The following TNRC6A variants were observed in gnomAD, a reference collection of about 807,000 sequenced individuals.
TNRC6A encodes trinucleotide repeat containing adaptor 6A.
Under a neutral mutation model 221.2 loss-of-function variants are expected in TNRC6A, and 44 were observed. The ratio of observed to expected loss-of-function variants is 0.20; its 90% CI spans 0.16 to 0.26. The LOEUF is 0.26. TNRC6A is among the 10% of genes least tolerant of loss of function. The probability of loss-of-function intolerance (pLI) is 1.00; values close to 1 mark genes in which losing one functional copy is unlikely to be tolerated. For missense variants in TNRC6A, 2,199 were observed against 2,404.4 expected (o/e 0.91, Z 1.79); for synonymous variants, 847 against 838.5 (o/e 1.01, Z -0.18).
chr16:24,770,286 C>T (rs562727781), intron 4 of TNRC6A, among the ~76,000 whole-genome samples: 1 of 152,230 alleles, frequency 6.6e-6, no homozygotes, highest in South Asian at 2.1e-4. Flanking sequence ...AGAGAGGGGC[C>T]ATGCCAAGGA....
chr16:24,822,947 A>G lies in TNRC6A; in HGVS notation c.5447A>G (p.His1816Arg), dbSNP rs1361138847. ...ATCACATTCCACCTGAACCTCCCTCACGGAAATGCTCTGGTCCGCTACAGT... is the reference window on the plus strand; with the variant it reads ...ATCACATTCCACCTGAACCTCCCTCGCGGAAATGCTCTGGTCCGCTACAGT... Reference protein sequence around the residue: ...PLITFHLNLPHGNALVRYSSK... With the variant: ...PLITFHLNLPRGNALVRYSSK... Residue 1816 changes from histidine to arginine, a missense_variant, in exon 24 of 25, where the codon CAC becomes CGC. Physicochemically the swap from His to Arg is conservative, Grantham distance 29. Around this residue, in one of 8 missense-constraint regions of TNRC6A, gnomAD observed 27 missense variants for 66.0 expected, o/e 0.41. Coordinates refer to ENST00000395799, the MANE Select transcript of TNRC6A (RefSeq NM_014494.4). 4 of 1,614,198 alleles carry G rather than the reference A, an allele frequency of 2.5e-6. No individual in the cohort carries two copies. The highest frequency in any genetic ancestry group is 1.3e-5 in the African/African-American group (1 of 75,026).
chr16:24,742,145 A>G (rs199549775), intron 2 of TNRC6A, among the ~76,000 whole-genome samples: 2 of 152,340 alleles, frequency 1.3e-5, no homozygotes, highest in East Asian at 3.9e-4. Context: ...CCCACTGTAC[A>G]CTTTTTACAT....
chr16:24,783,488 C>G (rs1345765697), intron 5 of TNRC6A, among the ~76,000 whole-genome samples: 1 of 151,754 alleles, frequency 6.6e-6, no homozygotes, highest in African/African-American at 2.4e-5. Context: ...CCCACATAAC[C>G]TCTTTGATCT....
At chr16:24,638,710 C>CA (rs58588503) in intron 1 of TNRC6A, among the ~76,000 whole-genome samples, 104 of 146,026 alleles carry the variant, frequency 7.1e-4, no homozygotes, top group Admixed American at 2.0e-3. Flanking sequence ...AAGGTTGTCT[C>CA]AAAAAAAAAA....
At chr16:24,688,439 T>C (rs1265044757) in intron 2 of TNRC6A, among the ~76,000 whole-genome samples, 1 of 152,190 alleles carries the variant, frequency 6.6e-6, no homozygotes, top group Non-Finnish European at 1.5e-5. Context: ...ACTTGAGGCA[T>C]TGACCCTCAC....
intron 1 of TNRC6A, among the ~76,000 whole-genome samples, chr16:24,640,127 T>C (rs888977556): frequency 2.0e-5 from 3 of 152,172 alleles, no homozygotes; most frequent in Non-Finnish European, 4.4e-5. Flanking sequence ...CAGCCAGGCA[T>C]AGTGGCTCAC....
chr16:24,824,313 T>C lies in TNRC6A; in HGVS notation c.*506T>C, dbSNP rs2058832361. On this transcript the variant is annotated 3_prime_UTR_variant, in exon 25 of 25. Coordinates refer to ENST00000395799, the MANE Select transcript of TNRC6A (RefSeq NM_014494.4). ...GCGTGCGCTCTCTACTATGCCTTGA[T>C]GTTGCCTACCTTATTGTGGTATCGT... is the stretch of plus-strand genomic sequence containing the variant. 1 of 152,588 alleles carries C rather than the reference T, an allele frequency of 6.6e-6. No individual in the cohort carries two copies. The highest frequency in any genetic ancestry group is 1.5e-5 in the Non-Finnish European group (1 of 68,054). 9.5% of individuals were successfully genotyped at this position (152,588 alleles called of 1,614,324 possible).
In TNRC6A at chr16:24,790,293, A is replaced by G; in HGVS notation, c.1651A>G (p.Met551Val). The G allele has an allele frequency of 6.2e-7, 1 of 1,614,204 alleles. No individual in the cohort carries two copies. Residue 551 changes from methionine (M) to valine (V), a missense_variant, in exon 6 of 25, where the codon ATG (methionine) becomes GTG (valine). Transcript: ENST00000395799. ...TGGTGACACTGTGAATGCAACTCTAATGCAGCCTGGCGTAAATGGTCCTAT... is the reference window on the plus strand; with the variant it reads ...TGGTGACACTGTGAATGCAACTCTAGTGCAGCCTGGCGTAAATGGTCCTAT... ...ANGDTVNATL[M>V]QPGVNGPMGT...
chr16:24,675,807 C>T (rs1360916855), intron 2 of TNRC6A, among the ~76,000 whole-genome samples: 1 of 148,582 alleles, frequency 6.7e-6, no homozygotes, highest in Non-Finnish European at 1.5e-5. Flanking sequence ...TGGGAGTACC[C>T]ACATAGGGTC....
chr16:24,786,302 T>G (rs80053547), intron 5 of TNRC6A, among the ~76,000 whole-genome samples: 3 of 110,526 alleles, frequency 2.7e-5, no homozygotes, highest in East Asian at 2.5e-4. Context: ...TGTTTTTTTT[T>G]GTTGTTGTTG....
At chr16:24,761,323 A>C (rs1327088477) in intron 4 of TNRC6A, among the ~76,000 whole-genome samples, 1 of 152,230 alleles carries the variant, frequency 6.6e-6, no homozygotes, top group African/African-American at 2.4e-5. Flanking sequence ...ATATTTAAAA[A>C]ATCTTTTAAA....
chr16:24,814,217 G>A (rs1254162688), intron 18 of TNRC6A, among the ~76,000 whole-genome samples: 1 of 152,080 alleles, frequency 6.6e-6, no homozygotes, highest in Non-Finnish European at 1.5e-5. Flanking sequence ...CTTGAAGCCA[G>A]AGGAAAGAGT....
chr16:24,788,113 A>G (rs1468211545), intron 5 of TNRC6A, among the ~76,000 whole-genome samples: 1 of 152,242 alleles, frequency 6.6e-6, no homozygotes, highest in African/African-American at 2.4e-5. Flanking sequence ...GAAGCACTAG[A>G]ACTGCCCTAC....
chr16:24,645,498 A>C (rs1187495981), intron 2 of TNRC6A, among the ~76,000 whole-genome samples: 1 of 151,166 alleles, frequency 6.6e-6, no homozygotes, highest in East Asian at 1.9e-4. Flanking sequence ...TCAAAAAAAA[A>C]ACAAAAAACA....
chr16:24,716,428 G>T (rs2056313980), intron 2 of TNRC6A, among the ~76,000 whole-genome samples: 1 of 152,128 alleles, frequency 6.6e-6, no homozygotes, highest in Non-Finnish European at 1.5e-5. Flanking sequence ...CAGCACTTTG[G>T]GAGTCCAAGG....
chr16:24,688,822 C>T (rs1339001323), intron 2 of TNRC6A, among the ~76,000 whole-genome samples: 1 of 152,194 alleles, frequency 6.6e-6, no homozygotes, highest in South Asian at 2.1e-4. Flanking sequence ...TCAAATCAGA[C>T]TTGAACTCTA....
upstream of TNRC6A, among the ~76,000 whole-genome samples, chr16:24,728,579 G>A (rs1044069208): frequency 6.6e-6 from 1 of 152,214 alleles, no homozygotes; most frequent in Non-Finnish European, 1.5e-5. Context: ...AAGCACAGAG[G>A]AGGAATTATC....
chr16:24,721,885 C>G (rs1438789044), intron 2 of TNRC6A, among the ~76,000 whole-genome samples: 1 of 152,164 alleles, frequency 6.6e-6, no homozygotes, highest in Admixed American at 6.5e-5. Context: ...CAAGAGGAGT[C>G]AAGCCCAAAA....
At chr16:24,703,995 G>A (rs946609149) in intron 2 of TNRC6A, among the ~76,000 whole-genome samples, 6 of 151,396 alleles carry the variant, frequency 4.0e-5, no homozygotes, top group Non-Finnish European at 8.8e-5. Context: ...GAGGCAGGAG[G>A]ATCACTTGAG....
Sources: gnomAD v4.1 joint callset for allele counts (sites outside exome capture counted in the v4.1 genomes callset) on GRCh38, gnomAD v4.1.1 for gene constraint, gnomAD v4.1.1 regional missense constraint, MANE v1.5 for transcripts, NCBI Gene and HGNC (gene_info 2026-07-23, HGNC 2026-07-21) for gene names.